Variants in TENM3 observed in about 807,000 individuals in gnomAD.
The protein encoded by TENM3 is teneurin transmembrane protein 3, also known as teneurin-3.
TENM3 carries 63 observed loss-of-function variants against 255.1 expected under a neutral mutation model. That is an observed-to-expected ratio of 0.25 (90% confidence interval 0.20 to 0.30). The LOEUF (loss-of-function observed/expected upper bound fraction) is 0.30, where lower values mean the gene tolerates loss of function less well. Ranked by LOEUF, TENM3 falls within the 10% of genes least tolerant of loss-of-function variation. TENM3 has a pLI of 1.00. For synonymous variants in TENM3, 1,306 were observed against 1,322.3 expected (o/e 0.99, Z 0.27); for missense variants, 2,929 against 3,461.1 (o/e 0.85, Z 3.86).
At chr4:181,452,810 G>A in the TENM3 span, among the ~76,000 whole-genome samples, 1 of 152,160 alleles carries the variant, frequency 6.6e-6, no homozygotes, top group Non-Finnish European at 1.5e-5. Context: ...AAAGCAAAGA[G>A]GAAAGCATAG....
chr4:181,918,031 A>G, the TENM3 span, among the ~76,000 whole-genome samples: 1 of 152,036 alleles, frequency 6.6e-6, no homozygotes, highest in African/African-American at 2.4e-5. Flanking sequence ...ATATTTTCTT[A>G]AGCTACTTTT....
At position 182,248,651 on chromosome 4, in the gene TENM3, G is replaced by C. The variant is rs182779060; in HGVS notation, c.-76+5175G>C. Among the ~76,000 whole-genome samples the C allele has an allele frequency of 1.7e-4, 26 of 152,278 alleles. No individual in the cohort carries two copies. The East Asian group carries it at 5.0e-3, about 29-fold the overall frequency. On this transcript the variant is annotated intron_variant, in intron 1 of 27. Transcript: ENST00000511685. ...TCAGTAACAATGTAATTTTAAAATA[G>C]CATCTGCATTGAGTGGATTACAAAG... is the stretch of plus-strand genomic sequence containing the variant.
At chr4:182,284,154 G>A (rs1472500053) in intron 1 of TENM3, among the ~76,000 whole-genome samples, 1 of 152,110 alleles carries the variant, frequency 6.6e-6, no homozygotes, top group African/African-American at 2.4e-5. Flanking sequence ...TTCAGGTTAG[G>A]GTTTTATTTC....
At chr4:181,641,245 T>A in the TENM3 span, among the ~76,000 whole-genome samples, 1 of 151,950 alleles carries the variant, frequency 6.6e-6, no homozygotes, top group African/African-American at 2.4e-5. Context: ...TGCAGGTTTG[T>A]TACATGGGTA....
At chr4:181,919,615 G>A in the TENM3 span, among the ~76,000 whole-genome samples, 32 of 152,076 alleles carry the variant, frequency 2.1e-4, no homozygotes, top group South Asian at 6.0e-3. Context: ...AAATGATGAC[G>A]TTGTTTCCTT....
chr4:181,681,076 G>A, the TENM3 span, among the ~76,000 whole-genome samples: 5 of 151,896 alleles, frequency 3.3e-5, 1 homozygote, highest in African/African-American at 4.8e-5. Flanking sequence ...TAGCTAATAA[G>A]AAAACTAGCA....
At chr4:182,555,201 C>G (rs1742464516) in intron 3 of TENM3, among the ~76,000 whole-genome samples, 1 of 152,056 alleles carries the variant, frequency 6.6e-6, no homozygotes, top group Non-Finnish European at 1.5e-5. Context: ...CCAAATCATT[C>G]TGTATTGTTC....
intron 3 of TENM3, among the ~76,000 whole-genome samples, chr4:182,454,434 TG>T (rs1280613308): frequency 6.6e-6 from 1 of 152,158 alleles, no homozygotes; most frequent in Non-Finnish European, 1.5e-5. Flanking sequence ...CTAACCATTC[TG>T]TATTTGCTTT....
At chr4:181,723,228 C>T in the TENM3 span, among the ~76,000 whole-genome samples, 6 of 150,976 alleles carry the variant, frequency 4.0e-5, no homozygotes, top group African/African-American at 9.8e-5. Flanking sequence ...AGTCAGCCCT[C>T]GGAATTGTCT....
the TENM3 span, among the ~76,000 whole-genome samples, chr4:181,899,117 G>A: frequency 5.9e-5 from 9 of 151,586 alleles, no homozygotes; most frequent in Admixed American, 5.9e-4. Flanking sequence ...AATAATTTGG[G>A]CTAATGTTTT....
chr4:181,706,502 G>A, the TENM3 span, among the ~76,000 whole-genome samples: 1 of 152,132 alleles, frequency 6.6e-6, no homozygotes, highest in Non-Finnish European at 1.5e-5. Flanking sequence ...TTATACACAA[G>A]CCTACAGAAA....
At chr4:182,143,813 C>T (rs539787546), upstream of TENM3, 5 of 152,716 alleles carry the variant, frequency 3.3e-5, no homozygotes, top group African/African-American at 1.2e-4. This position sits in a 1 kb window ranked among gnomAD's most constrained non-coding sequence, Gnocchi z 4.3. Context: ...AAGAGCCATT[C>T]ATCAGCGTGA....
rs188400756 is a variant in TENM3 at position 182,175,552 on chromosome 4, G to C, written c.-76+30798G>C. Among the ~76,000 whole-genome samples the C allele has an allele frequency of 3.1e-3, 469 of 152,128 alleles. 2 individuals are homozygous for C. The highest frequency in any genetic ancestry group is 4.1e-3 in the Non-Finnish European group (279 of 67,994). On this transcript the variant is annotated intron_variant, in intron 1 of 2. Coordinates refer to the TENM3 transcript ENST00000512480. Reference sequence around the variant, plus strand: ...AAACATCTGAAAATAACTAAGAGGCGACCCTCCTGCTTTTTCCCCTGCCAA... The same window carrying C: ...AAACATCTGAAAATAACTAAGAGGCCACCCTCCTGCTTTTTCCCCTGCCAA...
intron 3 of TENM3, among the ~76,000 whole-genome samples, chr4:182,562,858 G>A (rs1315446679): frequency 6.6e-6 from 1 of 152,124 alleles, no homozygotes; most frequent in African/African-American, 2.4e-5. Flanking sequence ...GGGTCAAGGG[G>A]CCAGGTGCTG....
chr4:182,747,397 C>A (rs1309671233), intron 19 of TENM3, among the ~76,000 whole-genome samples: 1 of 152,116 alleles, frequency 6.6e-6, no homozygotes, highest in East Asian at 1.9e-4. Flanking sequence ...AAATTCTTAG[C>A]TATACTTTAG....
At chr4:181,851,390 GA>G in the TENM3 span, among the ~76,000 whole-genome samples, 6 of 152,214 alleles carry the variant, frequency 3.9e-5, no homozygotes, top group Admixed American at 6.5e-5. Flanking sequence ...ACCCTCATGG[GA>G]TAGATGCTGC....
At chr4:182,057,493 C>G in the TENM3 span, among the ~76,000 whole-genome samples, 1 of 150,532 alleles carries the variant, frequency 6.6e-6, no homozygotes, top group Non-Finnish European at 1.5e-5. Flanking sequence ...TCACTGCAGC[C>G]TTGAATTCTT....
At chr4:181,530,696 C>G in the TENM3 span, among the ~76,000 whole-genome samples, 3 of 152,184 alleles carry the variant, frequency 2.0e-5, no homozygotes. Context: ...TCCAAACAGG[C>G]ATAGCCATAA....
rs781499691 is a variant in TENM3 at position 182,387,439 on chromosome 4, T to C, written c.511+40510T>C. ...CGCACCAATCAGCGCCCTGACAAAA[T>C]AGGCCACTCGGCTCTACCAATCAGC... is the stretch of plus-strand genomic sequence containing the variant. On this transcript the variant is annotated intron_variant, in intron 3 of 27. Transcript: ENST00000511685. Among the ~76,000 whole-genome samples the C allele has an allele frequency of 3.5e-4, 53 of 152,036 alleles. 1 individual carries two copies. The highest frequency in any genetic ancestry group is 1.9e-4 in the Non-Finnish European group (13 of 68,006).
Sources: gnomAD v4.1 joint callset for allele counts (sites outside exome capture counted in the v4.1 genomes callset) on GRCh38, gnomAD v4.1.1 for gene constraint, Gnocchi (gnomAD v3.1) non-coding constraint, MANE v1.5 for transcripts, NCBI Gene and HGNC (gene_info 2026-07-23, HGNC 2026-07-21) for gene names.